The following VIT variants were observed in gnomAD, a reference collection of about 807,000 sequenced individuals.
The protein encoded by VIT is vitrin.
A neutral mutation model predicts 78.0 loss-of-function variants in VIT; 99 were observed. The observed-to-expected ratio is 1.27, with a 90% confidence interval of 1.08 to 1.50. The LOEUF (loss-of-function observed/expected upper bound fraction) is 1.50, where lower values mean the gene tolerates loss of function less well. VIT is among the 40% of genes most tolerant of loss of function. The pLI, the probability that VIT is intolerant of heterozygous loss-of-function variation, is 0.00. For missense variants in VIT, 1,126 were observed against 875.3 expected, an observed-to-expected ratio of 1.29 and a Z score of -3.61; for synonymous variants, 374 against 334.3, an observed-to-expected ratio of 1.12 and a Z score of -1.29.
intron 7 of VIT, among the ~76,000 whole-genome samples, chr2:36,770,666 A>G (rs1160578910): frequency 6.6e-6 from 1 of 152,214 alleles, no homozygotes; most frequent in Non-Finnish European, 1.5e-5. Context: ...GGAGAGCCAG[A>G]TCTATAGATA....
intron 15 of VIT, among the ~76,000 whole-genome samples, chr2:36,812,269 G>C (rs1385856281): frequency 1.3e-5 from 2 of 152,246 alleles, no homozygotes; most frequent in East Asian, 3.9e-4. Context: ...GCTCTCCCAG[G>C]CACCCAGAAG....
intron 2 of VIT, among the ~76,000 whole-genome samples, chr2:36,723,568 G>A (rs905709977): frequency 6.6e-6 from 1 of 152,060 alleles, no homozygotes; most frequent in African/African-American, 2.4e-5. Flanking sequence ...ATTAAACATA[G>A]TTTCAAGCTT....
intron 4 of VIT, among the ~76,000 whole-genome samples, chr2:36,753,937 C>A (rs1668616558): frequency 6.6e-6 from 1 of 152,074 alleles, no homozygotes; most frequent in Admixed American, 6.5e-5. Context: ...TTAGAAAATC[C>A]CAGGTGAGTC....
intron 6 of VIT, among the ~76,000 whole-genome samples, chr2:36,759,914 G>A (rs911445718): frequency 7.2e-5 from 11 of 152,082 alleles, no homozygotes; most frequent in African/African-American, 2.2e-4. Context: ...TGAGGAAAAT[G>A]AAGCACAGAG....
rs114367257 is a variant in VIT at position 36,707,032 on chromosome 2, G to A, written c.-18-9321G>A. ...CAAGGGGCTCTTCGGTGGTTCAAAT[G>A]AGAAAACAGTTTAGTGAGAAAACTC... On this transcript the variant is annotated intron_variant, in intron 1 of 15. Transcript: ENST00000379242. Among the ~76,000 whole-genome samples the A allele has an allele frequency of 6.0e-3, 915 of 152,126 alleles. 9 individuals are homozygous for A. Among genetic ancestry groups the A allele is most frequent in the African/African-American group, 0.021 (879 of 41,502 alleles).
chr2:36,814,549 C>A lies in VIT; in HGVS notation c.*188C>A. 1.4e-6 allele frequency: 1 copy of A among 713,252 alleles called. No homozygotes were observed. The highest frequency in any genetic ancestry group is 2.2e-6 in the Non-Finnish European group (1 of 451,394). 44.2% of individuals were successfully genotyped at this position (713,252 alleles called of 1,614,324 possible). On this transcript the variant is annotated 3_prime_UTR_variant, in exon 16 of 16. Transcript: ENST00000379242. The stretch of plus-strand genomic sequence containing the variant: ...AAACTTGGAGTTACAAAGATGATCA[C>A]AAACGTATAGAATGAGCCAAAAGGC...
At chr2:36,800,625 G>A (rs558537874) in intron 12 of VIT, among the ~76,000 whole-genome samples, 2 of 152,152 alleles carry the variant, frequency 1.3e-5, no homozygotes, top group African/African-American at 2.4e-5. Context: ...ACACACACCC[G>A]CCCTCCTGCA....
chr2:36,802,760 T>A (rs146113332), intron 13 of VIT, among the ~76,000 whole-genome samples: 1 of 152,354 alleles, frequency 6.6e-6, no homozygotes, highest in East Asian at 1.9e-4. Flanking sequence ...TTTCAGTGGA[T>A]GACATGTTCT....
intron 3 of VIT, among the ~76,000 whole-genome samples, chr2:36,733,571 AAGAG>A (rs1667334336): frequency 1.7e-5 from 1 of 59,152 alleles, no homozygotes; most frequent in East Asian, 3.4e-4. Context: ...ATGAAGAGAG[AAGAG>A]AGAGAACACA....
At chr2:36,810,505 GATA>G (rs1231132799) in intron 15 of VIT, among the ~76,000 whole-genome samples, 1 of 152,198 alleles carries the variant, frequency 6.6e-6, no homozygotes, top group Middle Eastern at 3.4e-3. Flanking sequence ...AACCCCAAGT[GATA>G]ATAATAATAC....
At chr2:36,777,381 C>G (rs1330305403) in intron 9 of VIT, among the ~76,000 whole-genome samples, 1 of 151,956 alleles carries the variant, frequency 6.6e-6, no homozygotes, top group East Asian at 1.9e-4. Flanking sequence ...CAGGATATCT[C>G]TTTAATCCCT....
chr2:36,764,827 A>T (rs1368686246), intron 6 of VIT, among the ~76,000 whole-genome samples: 1 of 152,052 alleles, frequency 6.6e-6, no homozygotes, highest in South Asian at 2.1e-4. Flanking sequence ...TGTTTGCATC[A>T]CTTGTCCAGG....
At chr2:36,737,095 C>T (rs1353638882) in intron 3 of VIT, among the ~76,000 whole-genome samples, 1 of 152,050 alleles carries the variant, frequency 6.6e-6, no homozygotes, top group Non-Finnish European at 1.5e-5. Flanking sequence ...AGGAGAATAA[C>T]AAACAAGGAG....
chr2:36,745,045 T>A (rs1478698351), intron 4 of VIT, among the ~76,000 whole-genome samples: 1 of 152,144 alleles, frequency 6.6e-6, no homozygotes, highest in African/African-American at 2.4e-5. Context: ...GATAGCCAGT[T>A]ATCCCCAGCA....
At chr2:36,730,979 T>C (rs1362990640) in intron 3 of VIT, among the ~76,000 whole-genome samples, 1 of 152,156 alleles carries the variant, frequency 6.6e-6, no homozygotes, top group African/African-American at 2.4e-5. Flanking sequence ...GGTAGGTATA[T>C]GTAAAATAGG....
intron 2 of VIT, among the ~76,000 whole-genome samples, chr2:36,724,315 C>A (rs1666704887): frequency 6.6e-6 from 1 of 152,156 alleles, no homozygotes; most frequent in South Asian, 2.1e-4. Context: ...CCAGACTTAA[C>A]TCTCTTCAAG....
chr2:36,772,896 G>A (rs1669843353), intron 7 of VIT, among the ~76,000 whole-genome samples: 2 of 152,032 alleles, frequency 1.3e-5, no homozygotes, highest in Non-Finnish European at 1.5e-5. Flanking sequence ...TGGGTTTTAC[G>A]TGCCTCTCTT....
chr2:36,714,129 T>C (rs952241422), intron 1 of VIT, among the ~76,000 whole-genome samples: 3 of 152,252 alleles, frequency 2.0e-5, no homozygotes, highest in African/African-American at 7.2e-5. Flanking sequence ...TGATCAGTTC[T>C]GTTTGGGGTT....
chr2:36,720,468 C>T (rs1251965109), intron 2 of VIT, among the ~76,000 whole-genome samples: 4 of 152,090 alleles, frequency 2.6e-5, no homozygotes, highest in Non-Finnish European at 4.4e-5. Flanking sequence ...GCCCTTAGCT[C>T]ACACTGTACA....
Sources: allele counts gnomAD v4.1 joint callset (sites outside exome capture counted in the v4.1 genomes callset), GRCh38; gene constraint gnomAD v4.1.1; transcripts MANE v1.5; gene names NCBI Gene and HGNC (gene_info 2026-07-23, HGNC 2026-07-21).